The following PKNOX2 variants were observed in gnomAD, a reference collection of about 807,000 sequenced individuals.
PKNOX2 encodes the protein homeobox protein PKNOX2.
PKNOX2 carries 14 observed loss-of-function variants against 53.1 expected under a neutral mutation model. The ratio of observed to expected loss-of-function variants is 0.26; its 90% CI spans 0.17 to 0.41. The LOEUF (loss-of-function observed/expected upper bound fraction) is 0.41, where lower values mean the gene tolerates loss of function less well. Ranked by LOEUF, PKNOX2 falls within the 10% of genes least tolerant of loss-of-function variation. The pLI is 1.00. For synonymous variants in PKNOX2, 257 were observed against 242.8 expected (o/e 1.06, Z -0.54); for missense variants, 496 against 602.8 (o/e 0.82, Z 1.85).
intron 5 of PKNOX2, among the ~76,000 whole-genome samples, chr11:125,371,245 C>T (rs533551247): frequency 6.6e-6 from 1 of 152,146 alleles, no homozygotes; most frequent in East Asian, 1.9e-4. Flanking sequence ...ATGCACATCG[C>T]GGGTAATTGT....
intron 2 of PKNOX2, among the ~76,000 whole-genome samples, chr11:125,248,102 G>C (rs1473459532): frequency 6.6e-6 from 1 of 152,260 alleles, no homozygotes; most frequent in South Asian, 2.1e-4. Context: ...GCTCTGCCTG[G>C]CCTGGCTCTT....
chr11:125,388,875 C>T (rs1483054022), intron 6 of PKNOX2, among the ~76,000 whole-genome samples: 1 of 152,208 alleles, frequency 6.6e-6, no homozygotes, highest in East Asian at 1.9e-4. Context: ...AGAGAAGAAA[C>T]AGATTCATCA....
chr11:125,257,293 G>A (rs1427904030), intron 2 of PKNOX2, among the ~76,000 whole-genome samples: 3 of 152,290 alleles, frequency 2.0e-5, no homozygotes, highest in East Asian at 3.9e-4. Context: ...GGAGGTAGGG[G>A]AGAGGGGAGA....
At chr11:125,298,581 C>T (rs1947813959) in intron 2 of PKNOX2, among the ~76,000 whole-genome samples, 1 of 152,224 alleles carries the variant, frequency 6.6e-6, no homozygotes. Flanking sequence ...TTAGCCTGAG[C>T]TGTGCATAGA....
intron 4 of PKNOX2, among the ~76,000 whole-genome samples, chr11:125,361,965 C>A (rs1951948472): frequency 6.6e-6 from 1 of 152,246 alleles, no homozygotes; most frequent in South Asian, 2.1e-4. Flanking sequence ...AATAAACCAG[C>A]TGTGCCTTCC....
chr11:125,314,368 G>A (rs993769005), intron 2 of PKNOX2, among the ~76,000 whole-genome samples: 6 of 152,160 alleles, frequency 3.9e-5, no homozygotes, highest in Non-Finnish European at 8.8e-5. Flanking sequence ...TGGGTTGGGA[G>A]CCAGGGTGGG....
Position 125,431,356 on chromosome 11 carries a change from C to A in PKNOX2, c.1383C>A (p.Ser461Arg). 1 of 1,611,638 alleles carries A rather than the reference C, an allele frequency of 6.2e-7. No homozygotes were observed. Among genetic ancestry groups the A allele is most frequent in the Non-Finnish European group, 8.5e-7 (1 of 1,178,950 alleles). Residue 461 changes from serine to arginine, a missense_variant, in exon 13 of 13, where the codon AGC becomes AGA. Ser to Arg is a moderately radical substitution (Grantham distance 110). Coordinates refer to ENST00000298282, the MANE Select transcript of PKNOX2 (RefSeq NM_001382323.2). ...ACGAGCTGCAGACGACAAATGTCAGCGACCTGGGCTTGGAACACAGTGACT... is the reference window on the plus strand; with the variant it reads ...ACGAGCTGCAGACGACAAATGTCAGAGACCTGGGCTTGGAACACAGTGACT... ...EVDELQTTNV[S>R]DLGLEHSDSL...
intron 10 of PKNOX2, among the ~76,000 whole-genome samples, chr11:125,426,448 C>A (rs1050930239): frequency 1.3e-5 from 2 of 152,238 alleles, no homozygotes; most frequent in South Asian, 2.1e-4. Context: ...ACCCAGGATG[C>A]GGCAGATGCC....
At chr11:125,309,663 C>T (rs914381694) in intron 2 of PKNOX2, among the ~76,000 whole-genome samples, 1 of 152,172 alleles carries the variant, frequency 6.6e-6, no homozygotes, top group Non-Finnish European at 1.5e-5. Context: ...GCTGAAATTA[C>T]AGGCGTGAGC....
intron 2 of PKNOX2, among the ~76,000 whole-genome samples, chr11:125,312,521 A>G (rs1189758882): frequency 1.3e-5 from 2 of 152,184 alleles, no homozygotes; most frequent in Non-Finnish European, 2.9e-5. Flanking sequence ...TGAATCAGGA[A>G]TATTCCATAA....
At chr11:125,278,742 A>G (rs1038984077) in intron 2 of PKNOX2, among the ~76,000 whole-genome samples, 1 of 152,224 alleles carries the variant, frequency 6.6e-6, no homozygotes, top group Non-Finnish European at 1.5e-5. Context: ...GGTGAGAATC[A>G]TATCACAGGG....
At chr11:125,384,832 T>C (rs1025417086) in intron 5 of PKNOX2, among the ~76,000 whole-genome samples, 1 of 152,152 alleles carries the variant, frequency 6.6e-6, no homozygotes, top group Non-Finnish European at 1.5e-5. Context: ...GTGTCTGCTA[T>C]GAGCATGCAT....
chr11:125,358,399 G>A (rs761201407), intron 4 of PKNOX2, among the ~76,000 whole-genome samples: 5 of 152,204 alleles, frequency 3.3e-5, no homozygotes, highest in Admixed American at 1.3e-4. Flanking sequence ...ATCAGTTCCC[G>A]GGAAAATGCA....
At chr11:125,268,808 T>G (rs1261898308) in intron 2 of PKNOX2, among the ~76,000 whole-genome samples, 1 of 152,108 alleles carries the variant, frequency 6.6e-6, no homozygotes, top group Non-Finnish European at 1.5e-5. Context: ...GTTGGCTGCA[T>G]CATCTCTGAG....
intron 1 of PKNOX2, among the ~76,000 whole-genome samples, chr11:125,170,886 G>A (rs1278385174): frequency 1.3e-5 from 2 of 149,530 alleles, no homozygotes; most frequent in Non-Finnish European, 3.0e-5. Flanking sequence ...GGTGGGTGGG[G>A]TAACTGTTAG....
intron 2 of PKNOX2, among the ~76,000 whole-genome samples, chr11:125,245,468 A>G (rs1359851558): frequency 1.3e-5 from 2 of 152,222 alleles, no homozygotes; most frequent in African/African-American, 2.4e-5. Context: ...GCCAAAGACT[A>G]TGTGCTTTCC....
chr11:125,241,268 C>T (rs141692571), intron 2 of PKNOX2, among the ~76,000 whole-genome samples: 162 of 152,316 alleles, frequency 1.1e-3, no homozygotes, highest in African/African-American at 3.4e-3. Context: ...CAATCTCCCC[C>T]AACAAATACT....
intron 2 of PKNOX2, among the ~76,000 whole-genome samples, chr11:125,311,533 T>C (rs1033651360): frequency 6.6e-6 from 1 of 152,130 alleles, no homozygotes; most frequent in Non-Finnish European, 1.5e-5. Context: ...CATGTCTGCC[T>C]GGGAAGATGC....
intron 2 of PKNOX2, among the ~76,000 whole-genome samples, chr11:125,246,059 T>C (rs563937144): frequency 6.7e-4 from 102 of 152,322 alleles, no homozygotes; most frequent in Admixed American, 1.3e-3. Context: ...GGGTTCTACC[T>C]AGAGATGTCC....
Sources: gnomAD v4.1 joint callset for allele counts (sites outside exome capture counted in the v4.1 genomes callset) on GRCh38, gnomAD v4.1.1 for gene constraint, MANE v1.5 for transcripts, NCBI Gene and HGNC (gene_info 2026-07-23, HGNC 2026-07-21) for gene names.